The following COL6A6 variants were observed in gnomAD, a reference collection of about 807,000 sequenced individuals.
COL6A6 encodes the protein collagen type VI alpha 6 chain.
In COL6A6, 183 loss-of-function variants were observed where a neutral mutation model predicts 208.6. The observed-to-expected ratio is 0.88, with a 90% CI of 0.78 to 0.99. The LOEUF (loss-of-function observed/expected upper bound fraction) is 0.99. Among genes scored for constraint, COL6A6 ranks in the 50% least tolerant of loss-of-function variants. COL6A6 has a pLI of 0.00. For synonymous variants in COL6A6, 973 were observed against 1,011.8 expected, an observed-to-expected ratio of 0.96 and a Z score of 0.73; for missense variants, 2,816 against 2,815.2, an observed-to-expected ratio of 1.00 and a Z score of -0.01.
At chr3:130,623,759 A>C (rs1403135659) in intron 24 of COL6A6, among the ~76,000 whole-genome samples, 2 of 152,198 alleles carry the variant, frequency 1.3e-5, no homozygotes, top group African/African-American at 4.8e-5. Context: ...GTCTGGTTGG[A>C]GATGTAAATT....
At chr3:130,595,698 T>C (rs12487858) in intron 18 of COL6A6, among the ~76,000 whole-genome samples, 45,265 of 152,178 alleles carry the variant, frequency 0.3, 10,784 homozygotes, top group African/African-American at 0.66. Flanking sequence ...ATGATTTATT[T>C]GTTATACTAA....
Position 130,566,865 on chromosome 3 carries a change from C to G in COL6A6, c.1446C>G (p.Asp482Glu). 6.2e-7 allele frequency: 1 copy of G among 1,613,990 alleles called. No individual in the cohort carries two copies. The highest frequency in any genetic ancestry group is 8.5e-7 in the Non-Finnish European group (1 of 1,179,894). The change falls in exon 5 of 37, where the codon GAC (aspartate) becomes GAG (glutamate). Residue 482 changes from aspartate (D) to glutamate (E), a missense_variant. Transcript: ENST00000358511. ...KVRVGAVQYA[D>E]SWDLEFEINK... ...GGGTTGGGGCCGTTCAGTATGCTGA[C>G]AGCTGGGACTTGGAATTTGAGATCA...
At position 130,643,009 on chromosome 3, in the gene COL6A6, T is replaced by C. The variant is rs749427614; in HGVS notation, c.5213T>C (p.Val1738Ala). The stretch of plus-strand genomic sequence containing the variant: ...CAGACATGTGAGCTCATTCAGTATG[T>C]GCGAGACCGCAGTCGTAAGTACCCT... ...SFSTCELIQY[V>A]RDRSPGRHGK... The change falls in exon 31 of 37, where the codon GTG becomes GCG. Residue 1738 changes from valine (V) to alanine (A), a missense_variant. Val to Ala is a moderately conservative substitution (Grantham distance 64, BLOSUM62 0). Coordinates refer to ENST00000358511, the MANE Select transcript of COL6A6 (RefSeq NM_001102608.3). 7 of 1,613,742 alleles carry C rather than the reference T, an allele frequency of 4.3e-6. No individual in the cohort carries two copies. The African/African-American group carries it at 8.0e-5, about 18-fold the overall frequency.
At chr3:130,600,635 GT>G (rs1213967647) in intron 20 of COL6A6, among the ~76,000 whole-genome samples, 1 of 152,192 alleles carries the variant, frequency 6.6e-6, no homozygotes, top group Non-Finnish European at 1.5e-5. Flanking sequence ...AACACCGCAT[GT>G]TTTCACTCAC....
intron 1 of COL6A6, among the ~76,000 whole-genome samples, chr3:130,543,878 G>T (rs1381642760): frequency 6.6e-6 from 1 of 152,100 alleles, no homozygotes; most frequent in African/African-American, 2.4e-5. Context: ...AGGTCTACAA[G>T]TTATCTCAAT....
At chr3:130,590,299 ATTTTTTTTTTTTTTT>A (rs71133610) in intron 12 of COL6A6, among the ~76,000 whole-genome samples, 182 of 9,120 alleles carry the variant, frequency 0.02, 2 homozygotes, top group East Asian at 0.077. Context: ...ATATATATAT[ATTTTTTTTTTTTTTT>A]TTTTTTTTTT....
intron 36 of COL6A6, among the ~76,000 whole-genome samples, chr3:130,667,988 C>A (rs2066117360): frequency 6.7e-6 from 1 of 150,130 alleles, no homozygotes; most frequent in Non-Finnish European, 1.5e-5. Context: ...GATAAAAAAA[C>A]AACAATGTAA....
At chr3:130,566,462 A>G (rs757947852) in intron 4 of COL6A6, among the ~76,000 whole-genome samples, 6 of 152,242 alleles carry the variant, frequency 3.9e-5, no homozygotes, top group Non-Finnish European at 7.3e-5. Context: ...CTCCTACCAT[A>G]TTCAGACTTA....
intron 1 of COL6A6, among the ~76,000 whole-genome samples, chr3:130,548,048 C>A (rs1337296102): frequency 6.6e-6 from 1 of 152,254 alleles, no homozygotes; most frequent in Admixed American, 6.5e-5. Context: ...CTGCCTTGGC[C>A]TCCCAAAGTG....
intron 25 of COL6A6, 27 bp from the exon 26 acceptor site, chr3:130,627,291 TG>T (rs1559766358): frequency 3.1e-6 from 5 of 1,604,486 alleles, no homozygotes; most frequent in Non-Finnish European, 4.3e-6. Context: ...TAGTCTGGGA[TG>T]TTGGTAATCA....
intron 11 of COL6A6, among the ~76,000 whole-genome samples, 172 bp from the exon 12 acceptor site, chr3:130,588,917 CA>C (rs58377635): frequency 0.26 from 17,684 of 68,326 alleles, 1,098 homozygotes; most frequent in East Asian, 0.47. Context: ...AAGATGGAAG[CA>C]AAAAAAAAAA....
chr3:130,665,062 A>G lies in COL6A6; in HGVS notation c.6562A>G (p.Ile2188Val), dbSNP rs757410238. ...LKIKCNRLNS[I>V]DPKQPPRPFR... ...AATAAAGTGCAACAGACTTAACTCTATAGATCCAAAGCAGCCCCCACGACC... is the reference window on the plus strand; with the variant it reads ...AATAAAGTGCAACAGACTTAACTCTGTAGATCCAAAGCAGCCCCCACGACC... The change falls in exon 36 of 37, where the codon ATA becomes GTA. Residue 2188 changes from isoleucine to valine, a missense_variant. By Grantham distance (29) the Ile-to-Val change is conservative. Coordinates refer to ENST00000358511, the MANE Select transcript of COL6A6 (RefSeq NM_001102608.3). 8 of 1,610,936 alleles carry G rather than the reference A, an allele frequency of 5.0e-6. No homozygotes were observed. The highest frequency in any genetic ancestry group is 1.3e-5 in the African/African-American group (1 of 74,848).
chr3:130,543,447 G>A (rs1449639561), intron 1 of COL6A6, among the ~76,000 whole-genome samples: 2 of 151,842 alleles, frequency 1.3e-5, no homozygotes, highest in Non-Finnish European at 2.9e-5. Context: ...TCTATCTTTT[G>A]TGGTTTTAAC....
chr3:130,604,556 G>A (rs2108168675), intron 20 of COL6A6, among the ~76,000 whole-genome samples: 1 of 151,810 alleles, frequency 6.6e-6, no homozygotes, highest in East Asian at 1.9e-4. Flanking sequence ...ATCGTTTCTA[G>A]AGATATTTTC....
At chr3:130,671,267 T>C (rs1442277606) in intron 36 of COL6A6, among the ~76,000 whole-genome samples, 1 of 152,180 alleles carries the variant, frequency 6.6e-6, no homozygotes, top group African/African-American at 2.4e-5. Flanking sequence ...AGCCAACCTA[T>C]GCAATTAAAA....
chr3:130,565,629 T>C lies in COL6A6; in HGVS notation c.1282+15T>C. Reference sequence around the variant, plus strand: ...GCTCAAATCTGGTAAGGTCTTCTGCTGAAAGAAGGGTTGTTTGGATTCTTT... The same window carrying C: ...GCTCAAATCTGGTAAGGTCTTCTGCCGAAAGAAGGGTTGTTTGGATTCTTT... On this transcript the variant is annotated intron_variant, in intron 4 of 36. Transcript: ENST00000358511. 1 of 1,593,700 alleles carries C rather than the reference T, an allele frequency of 6.3e-7. No homozygotes were observed. The highest frequency in any genetic ancestry group is 1.3e-5 in the African/African-American group (1 of 74,084).
chr3:130,638,233 C>T (rs1279229670), intron 28 of COL6A6, among the ~76,000 whole-genome samples: 1 of 152,096 alleles, frequency 6.6e-6, no homozygotes, highest in Non-Finnish European at 1.5e-5. Flanking sequence ...TCAGAATTGA[C>T]AATATGCCTC....
rs144357455 is a variant in COL6A6 at position 130,592,272 on chromosome 3, T to C, written c.4273-269T>C. Among the ~76,000 whole-genome samples the C allele has an allele frequency of 1.6e-4, 24 of 152,278 alleles. No homozygotes were observed. In the East Asian group the frequency reaches 4.6e-3, roughly 29 times the overall value. On this transcript the variant is annotated intron_variant, in intron 13 of 36. Transcript: ENST00000358511. ...GCTTAGGACAGTATGACTAGATATG[T>C]TAAGAAGGTTGGAAGGACGTAACTT... is the stretch of plus-strand genomic sequence containing the variant.
chr3:130,594,348 G>C lies in COL6A6; in HGVS notation c.4533+5G>C. The C allele has an allele frequency of 6.2e-7, 1 of 1,610,908 alleles. No individual in the cohort carries two copies. The highest frequency in any genetic ancestry group is 8.5e-7 in the Non-Finnish European group (1 of 1,178,490). ...AAGGGCCTGCGAGGGGATCCCGTAAGTGCACGGGCTGCAAACTGGAGTTAG... is the reference window on the plus strand; with the variant it reads ...AAGGGCCTGCGAGGGGATCCCGTAACTGCACGGGCTGCAAACTGGAGTTAG... On this transcript the variant is annotated splice_donor_5th_base_variant and intron_variant, in intron 18 of 36. Transcript: ENST00000358511.
Sources: allele counts gnomAD v4.1 joint callset (sites outside exome capture counted in the v4.1 genomes callset), GRCh38; gene constraint gnomAD v4.1.1; transcripts MANE v1.5; gene names NCBI Gene and HGNC (gene_info 2026-07-23, HGNC 2026-07-21).